Variants in EIF4G3 observed in about 807,000 individuals in gnomAD.
The protein encoded by EIF4G3 is eukaryotic translation initiation factor 4 gamma 3.
In EIF4G3, 34 loss-of-function variants were observed where a neutral mutation model predicts 186.4. That is an observed-to-expected ratio of 0.18 (90% CI 0.14 to 0.24). EIF4G3 has a LOEUF of 0.24. Ranked by LOEUF, EIF4G3 falls within the 10% of genes least tolerant of loss-of-function variation. The pLI is 1.00. For synonymous variants in EIF4G3, 673 were observed against 679.5 expected (o/e 0.99, Z 0.15); for missense variants, 1,536 against 1,948.5 (o/e 0.79, Z 3.99).
Position 20,981,240 on chromosome 1 carries a change from GAAA to G in EIF4G3, c.199-16_199-14del. 6.9e-7 allele frequency: 1 copy of G among 1,452,468 alleles called. No individual in the cohort carries two copies. The highest frequency in any genetic ancestry group is 1.5e-5 in the African/African-American group (1 of 67,190). The allele number at this position is 1,452,468 out of a possible 1,614,324, so 90.0% of individuals were successfully genotyped here. On this transcript the variant is annotated splice_polypyrimidine_tract_variant and intron_variant, in intron 8 of 36. Transcript: ENST00000602326. ...GCCTCTGGAAAAACTGGGAAGGGGA[GAAA>G]AAAAAAATTTTTTTTTTTTTTTAAC...
At chr1:21,084,161 C>G (rs1193406442) in intron 3 of EIF4G3, among the ~76,000 whole-genome samples, 2 of 150,998 alleles carry the variant, frequency 1.3e-5, no homozygotes, top group African/African-American at 4.9e-5. Context: ...AAAATCTTTA[C>G]TATGGTCTGT....
At chr1:21,065,660 A>G (rs2095206674) in intron 3 of EIF4G3, among the ~76,000 whole-genome samples, 1 of 152,216 alleles carries the variant, frequency 6.6e-6, no homozygotes, top group Admixed American at 6.5e-5. Flanking sequence ...TACAGAAACT[A>G]TATAAGCAAA....
chr1:21,139,172 G>C (rs1039378057), intron 2 of EIF4G3, among the ~76,000 whole-genome samples: 1 of 151,904 alleles, frequency 6.6e-6, no homozygotes, highest in Non-Finnish European at 1.5e-5. Flanking sequence ...ACTTCAAAGG[G>C]AAAAAACATC....
At chr1:20,904,756 CAATT>C in intron 15 of EIF4G3, 123 bp downstream of exon 15, 1 of 525,526 alleles carries the variant, frequency 1.9e-6, no homozygotes, top group Non-Finnish European at 3.2e-6. Flanking sequence ...GGACTTAAAA[CAATT>C]AGTCTCTGAG....
At chr1:21,170,256 C>T (rs1208150172) in intron 2 of EIF4G3, among the ~76,000 whole-genome samples, 1 of 152,126 alleles carries the variant, frequency 6.6e-6, no homozygotes, top group Admixed American at 6.6e-5. Context: ...AAGCAGTATT[C>T]TAGGTGCTAG....
chr1:20,807,988 A>AT (rs565587598), intron 36 of EIF4G3, among the ~76,000 whole-genome samples: 42 of 149,282 alleles, frequency 2.8e-4, no homozygotes, highest in Non-Finnish European at 5.4e-4. Flanking sequence ...GGTTGAAGCA[A>AT]TTTTCCTGCC....
At chr1:21,112,677 C>T (rs2096746228) in intron 2 of EIF4G3, among the ~76,000 whole-genome samples, 1 of 152,160 alleles carries the variant, frequency 6.6e-6, no homozygotes, top group Non-Finnish European at 1.5e-5. Flanking sequence ...CCAATTCCCA[C>T]AAAGATGTTT....
intron 30 of EIF4G3, among the ~76,000 whole-genome samples, chr1:20,830,436 T>G (rs892397640): frequency 6.6e-6 from 1 of 152,228 alleles, no homozygotes; most frequent in African/African-American, 2.4e-5. Flanking sequence ...GTCTGTGCTA[T>G]GGCAAATAGA....
chr1:21,020,192 A>G (rs1484271824), intron 4 of EIF4G3, among the ~76,000 whole-genome samples: 1 of 152,136 alleles, frequency 6.6e-6, no homozygotes, highest in Non-Finnish European at 1.5e-5. Flanking sequence ...ACCATCAGAA[A>G]TGACCAATTT....
At chr1:21,032,190 G>C (rs1020010600) in intron 4 of EIF4G3, among the ~76,000 whole-genome samples, 3 of 152,154 alleles carry the variant, frequency 2.0e-5, no homozygotes, top group Non-Finnish European at 4.4e-5. Flanking sequence ...TTATAGCACA[G>C]ATGTTTCCCT....
intron 16 of EIF4G3, among the ~76,000 whole-genome samples, chr1:20,897,975 T>C (rs1474845331): frequency 2.0e-5 from 3 of 152,078 alleles, no homozygotes; most frequent in African/African-American, 7.2e-5. Flanking sequence ...AGTCTAAAAA[T>C]AGCAATAGTG....
chr1:21,131,831 G>A (rs879900590), intron 2 of EIF4G3, among the ~76,000 whole-genome samples: 18 of 152,050 alleles, frequency 1.2e-4, no homozygotes, highest in South Asian at 6.2e-4. Context: ...ACGTTGCCAG[G>A]TGTGGTCATG....
rs1315331133 is a variant in EIF4G3 at position 21,162,633 on chromosome 1, C to G, written c.-272+13542G>C. ...TGGTGCACACCTGTAATGCCAGCTA[C>G]TCTGTAGGCTGAGGAAGGACAGGAG... On this transcript the variant is annotated intron_variant, in intron 2 of 36. Transcript: ENST00000602326. Among the ~76,000 whole-genome samples the G allele has an allele frequency of 2.6e-5, 4 of 151,906 alleles. No homozygotes were observed. In the East Asian group the frequency reaches 7.7e-4, roughly 29 times the overall value.
chr1:20,843,302 G>C (rs979333498), intron 29 of EIF4G3, among the ~76,000 whole-genome samples: 2 of 152,024 alleles, frequency 1.3e-5, no homozygotes, highest in Non-Finnish European at 2.9e-5. Flanking sequence ...GATCATTTGA[G>C]GTTCAGCAGT....
intron 12 of EIF4G3, among the ~76,000 whole-genome samples, chr1:20,959,159 C>CA (rs1345311967): frequency 6.6e-6 from 1 of 152,002 alleles, no homozygotes; most frequent in Non-Finnish European, 1.5e-5. Context: ...TTATAGTTAA[C>CA]AAAACAGCGT....
intron 10 of EIF4G3, among the ~76,000 whole-genome samples, chr1:20,973,325 A>G (rs1422109080): frequency 3.3e-5 from 5 of 152,328 alleles, no homozygotes; most frequent in Admixed American, 2.0e-4. Flanking sequence ...ATCCAATATG[A>G]AAACCACTAA....
chr1:20,973,157 C>A, intron 10 of EIF4G3, 58 bp from the exon 11 acceptor site: 1 of 1,236,014 alleles, frequency 8.1e-7, no homozygotes, highest in Non-Finnish European at 1.2e-6. Context: ...CACTACAGAA[C>A]TAGCAATGAC....
At chr1:21,071,456 C>T (rs2095437573) in intron 3 of EIF4G3, among the ~76,000 whole-genome samples, 1 of 152,116 alleles carries the variant, frequency 6.6e-6, no homozygotes. Flanking sequence ...ATGTAATCCT[C>T]CAGTGCAGTC....
intron 20 of EIF4G3, among the ~76,000 whole-genome samples, chr1:20,874,304 A>C (rs1200079387): frequency 6.6e-6 from 1 of 152,202 alleles, no homozygotes; most frequent in Non-Finnish European, 1.5e-5. Context: ...ACAGTGTAAA[A>C]GCATTCTGTT....
Sources: gnomAD v4.1 joint callset for allele counts (sites outside exome capture counted in the v4.1 genomes callset) on GRCh38, gnomAD v4.1.1 for gene constraint, MANE v1.5 for transcripts, NCBI Gene and HGNC (gene_info 2026-07-23, HGNC 2026-07-21) for gene names.